SPATA17: variants seen among roughly 807,000 people sequenced by gnomAD.
The protein encoded by SPATA17 is spermatogenesis-associated protein 17.
Under a neutral mutation model 62.2 loss-of-function variants are expected in SPATA17, and 53 were observed. The observed-to-expected ratio is 0.85, with a 90% CI of 0.68 to 1.07. SPATA17 has a LOEUF of 1.07. SPATA17 is among the 50% of genes least tolerant of loss of function. The pLI is 0.00. For missense variants in SPATA17, 466 were observed against 425.5 expected, an observed-to-expected ratio of 1.10 and a Z score of -0.84; for synonymous variants, 146 against 146.8, an observed-to-expected ratio of 0.99 and a Z score of 0.04.
chr1:217,785,625 CAG>C (rs1424565245), intron 8 of SPATA17, among the ~76,000 whole-genome samples: 3 of 152,142 alleles, frequency 2.0e-5, no homozygotes, highest in African/African-American at 7.2e-5. Context: ...GGTGCAAACA[CAG>C]AGTCAAACTA....
At chr1:217,651,234 A>G (rs1397724773) in intron 3 of SPATA17, 56 bp downstream of exon 3, 5 of 1,251,736 alleles carry the variant, frequency 4.0e-6, no homozygotes, top group Non-Finnish European at 5.5e-6. Flanking sequence ...GCTGTAACTT[A>G]CTCACTTTAG....
At chr1:217,667,729 T>A (rs946404156) in intron 3 of SPATA17, among the ~76,000 whole-genome samples, 33 of 152,228 alleles carry the variant, frequency 2.2e-4, no homozygotes, top group African/African-American at 6.3e-4. Flanking sequence ...GTATTTCTTC[T>A]TTATAGAAAT....
chr1:217,827,134 T>G (rs1236345242), intron 9 of SPATA17, among the ~76,000 whole-genome samples: 1 of 152,076 alleles, frequency 6.6e-6, no homozygotes, highest in African/African-American at 2.4e-5. Context: ...AAAAGCCATT[T>G]GGAAAAACTG....
chr1:217,727,263 A>G (rs906292696), intron 5 of SPATA17, among the ~76,000 whole-genome samples: 17 of 147,658 alleles, frequency 1.2e-4, no homozygotes, highest in African/African-American at 4.3e-4. Flanking sequence ...TAATAATAAT[A>G]ATAATAATAA....
intron 6 of SPATA17, among the ~76,000 whole-genome samples, chr1:217,766,502 ATAT>A (rs1050289403): frequency 1.3e-5 from 2 of 151,688 alleles, no homozygotes; most frequent in African/African-American, 2.4e-5. Flanking sequence ...CCCATCTCTT[ATAT>A]TATTATTGTC....
At chr1:217,851,997 C>T (rs1034649217) in intron 9 of SPATA17, among the ~76,000 whole-genome samples, 14 of 152,104 alleles carry the variant, frequency 9.2e-5, no homozygotes, top group Non-Finnish European at 1.8e-4. Flanking sequence ...ATGCAACGGC[C>T]TCCCCTCCAG....
chr1:217,775,467 G>A (rs780849796), intron 7 of SPATA17, among the ~76,000 whole-genome samples: 2 of 152,116 alleles, frequency 1.3e-5, no homozygotes, highest in Non-Finnish European at 2.9e-5. Context: ...CACTTTGGGA[G>A]GCCAAGGCGG....
rs190500883 is a variant in SPATA17, at chr1:217,771,483, T to C, written c.520-2851T>C. 1.4e-3 allele frequency among the ~76,000 whole-genome samples: 218 copies of C among 152,196 alleles called. 1 individual carries two copies. Among genetic ancestry groups the C allele is most frequent in the African/African-American group, 4.8e-3 (198 of 41,536 alleles). ...TGATGAAATATGGCAATTGAGACAATAGTATGTTAAGGTTGTTGTATTTAT... is the reference window on the plus strand; with the variant it reads ...TGATGAAATATGGCAATTGAGACAACAGTATGTTAAGGTTGTTGTATTTAT... On this transcript the variant is annotated intron_variant, in intron 6 of 10. Transcript: ENST00000366933.
At chr1:217,821,778 T>C (rs955040879) in intron 9 of SPATA17, among the ~76,000 whole-genome samples, 2 of 152,070 alleles carry the variant, frequency 1.3e-5, no homozygotes, top group Non-Finnish European at 2.9e-5. Flanking sequence ...TAATTTGTCT[T>C]TTAAATTAAT....
chr1:217,649,900 A>C (rs1343073859), intron 2 of SPATA17, among the ~76,000 whole-genome samples: 1 of 151,424 alleles, frequency 6.6e-6, no homozygotes, highest in Non-Finnish European at 1.5e-5. Flanking sequence ...AGAGCTAGAC[A>C]TGCAAACTTA....
rs1670447151 is a variant in SPATA17, at chr1:217,656,552, A to ATGTG, written c.240+5377_240+5378insGTGT. Among the ~76,000 whole-genome samples the ATGTG allele has an allele frequency of 2.0e-5, 3 of 151,296 alleles. No individual in the cohort carries two copies. In the South Asian group the frequency reaches 6.3e-4, roughly 32 times the overall value. ...CCTTGGGAATAGGTCTGATATATGT[A>ATGTG]TGTATGTATGTATGTATGTATGTAT... On this transcript the variant is annotated intron_variant, in intron 3 of 10. Transcript: ENST00000366933.
intron 1 of SPATA17, among the ~76,000 whole-genome samples, chr1:217,647,593 T>A (rs1287925130): frequency 6.6e-6 from 1 of 152,180 alleles, no homozygotes; most frequent in Non-Finnish European, 1.5e-5. Context: ...GAGTGTAACA[T>A]GGAAAGGCCT....
intron 9 of SPATA17, among the ~76,000 whole-genome samples, chr1:217,831,002 C>T (rs1246481711): frequency 6.6e-6 from 1 of 152,058 alleles, no homozygotes; most frequent in Non-Finnish European, 1.5e-5. Flanking sequence ...CAAATGTTTA[C>T]CTTACTTTCT....
At chr1:217,786,735 G>A (rs1025325714) in intron 8 of SPATA17, among the ~76,000 whole-genome samples, 9 of 126,488 alleles carry the variant, frequency 7.1e-5, no homozygotes, top group Non-Finnish European at 1.6e-4. Context: ...AATGATAGAA[G>A]GATTTGATAT....
chr1:217,800,689 G>C (rs1674289060), intron 8 of SPATA17, among the ~76,000 whole-genome samples: 1 of 151,968 alleles, frequency 6.6e-6, no homozygotes, highest in Non-Finnish European at 1.5e-5. Context: ...GTTTCTCTTT[G>C]ACATCTCATT....
intron 9 of SPATA17, among the ~76,000 whole-genome samples, chr1:217,848,678 T>C (rs1558075259): frequency 6.6e-6 from 1 of 152,194 alleles, no homozygotes; most frequent in Non-Finnish European, 1.5e-5. Context: ...TGTAATTGTA[T>C]GTTAAAAGTT....
intron 9 of SPATA17, chr1:217,850,425 G>A: frequency 7.8e-7 from 1 of 1,286,122 alleles, no homozygotes; most frequent in South Asian, 1.2e-5. Flanking sequence ...TCAGACGCTG[G>A]ACCAGGTACA....
At chr1:217,747,489 C>T (rs756481196) in intron 6 of SPATA17, among the ~76,000 whole-genome samples, 3 of 152,110 alleles carry the variant, frequency 2.0e-5, no homozygotes, top group South Asian at 2.1e-4. Flanking sequence ...ATGTAAAATT[C>T]AAGATCCAAA....
rs1429908515 is a variant in SPATA17 at position 217,798,360 on chromosome 1, CAAACTTGAA to C, written c.873-3355_873-3347del. On this transcript the variant is annotated intron_variant, in intron 8 of 10. Coordinates refer to ENST00000366933, the MANE Select transcript of SPATA17 (RefSeq NM_138796.4). Reference sequence around the variant, plus strand: ...TTGTCTGTAAAGGATAGGAGGTTTTCAAACTTGAAAAGTAAATAATTTTATACCTACTTT... The same window carrying C: ...TTGTCTGTAAAGGATAGGAGGTTTTCAAGTAAATAATTTTATACCTACTTT... Among the ~76,000 whole-genome samples, 4 of 152,080 alleles carry C rather than the reference CAAACTTGAA, an allele frequency of 2.6e-5. No homozygotes were observed. In the East Asian group the frequency reaches 7.7e-4, roughly 29 times the overall value.
Sources: gnomAD v4.1 joint callset for allele counts (sites outside exome capture counted in the v4.1 genomes callset) on GRCh38, gnomAD v4.1.1 for gene constraint, MANE v1.5 for transcripts, NCBI Gene and HGNC (gene_info 2026-07-23, HGNC 2026-07-21) for gene names.